RGS5: variants seen among roughly 807,000 people sequenced by gnomAD.
RGS5 encodes the protein regulator of G protein signaling 5, also known as regulator of G-protein signalling 5.
In RGS5, 20 loss-of-function variants were observed where a neutral mutation model predicts 18.9. That is an observed-to-expected ratio of 1.06 (90% CI 0.74 to 1.54). The LOEUF (loss-of-function observed/expected upper bound fraction) is 1.54. Ranked by LOEUF, RGS5 falls within the 40% of genes most tolerant of loss-of-function variation. The probability of loss-of-function intolerance (pLI) is 0.00; values close to 1 mark genes in which losing one functional copy is unlikely to be tolerated. For missense variants in RGS5, 201 were observed against 211.8 expected (o/e 0.95, Z 0.32); for synonymous variants, 57 against 76.2 (o/e 0.75, Z 1.31).
intron 2 of RGS5, among the ~76,000 whole-genome samples, chr1:163,289,261 C>G (rs936099047): frequency 1.3e-5 from 2 of 151,786 alleles, no homozygotes; most frequent in Admixed American, 1.3e-4. Flanking sequence ...ACACAATACC[C>G]CTACACCTTT....
chr1:163,223,983 C>T (rs1303099103), intron 2 of RGS5, among the ~76,000 whole-genome samples: 1 of 152,026 alleles, frequency 6.6e-6, no homozygotes, highest in Non-Finnish European at 1.5e-5. Context: ...TGTTTTGGTA[C>T]ATGTATATGT....
At chr1:163,272,388 A>AT (rs1648745363) in intron 2 of RGS5, among the ~76,000 whole-genome samples, 1 of 152,024 alleles carries the variant, frequency 6.6e-6, no homozygotes, top group Admixed American at 6.6e-5. Context: ...GTATCCTTTG[A>AT]GGCACAAAAG....
intron 2 of RGS5, among the ~76,000 whole-genome samples, chr1:163,275,797 G>C (rs1161806261): frequency 6.6e-6 from 1 of 152,056 alleles, no homozygotes; most frequent in Non-Finnish European, 1.5e-5. Flanking sequence ...TATATAATAA[G>C]TAAGGGAGGG....
chr1:163,295,652 A>G (rs916116686), intron 2 of RGS5, among the ~76,000 whole-genome samples: 5 of 152,108 alleles, frequency 3.3e-5, no homozygotes, highest in Non-Finnish European at 4.4e-5. Flanking sequence ...TCTTTCCAAG[A>G]TTCTTTATAC....
chr1:163,316,594 A>G (rs1432102052), intron 1 of RGS5, among the ~76,000 whole-genome samples: 1 of 151,198 alleles, frequency 6.6e-6, no homozygotes, highest in Non-Finnish European at 1.5e-5. Context: ...AAAAAAAAAA[A>G]AAGCTAATAT....
intron 1 of RGS5, among the ~76,000 whole-genome samples, chr1:163,216,695 T>C (rs997076360): frequency 3.9e-5 from 6 of 152,238 alleles, no homozygotes; most frequent in Admixed American, 6.5e-5. Flanking sequence ...GATATTATCA[T>C]GTAAGACTCA....
chr1:163,175,777 A>G (rs1658525377), intron 1 of RGS5, among the ~76,000 whole-genome samples: 1 of 152,218 alleles, frequency 6.6e-6, no homozygotes, highest in Admixed American at 6.5e-5. Context: ...TACTTGATTT[A>G]TATAATTAAT....
intron 2 of RGS5, chr1:163,260,024 C>T (rs542046671): frequency 6.6e-6 from 1 of 152,318 alleles, no homozygotes; most frequent in Non-Finnish European, 1.5e-5. Flanking sequence ...AAAATATCCC[C>T]ATGCTCCCCT....
At chr1:163,199,353 T>C (rs1659689810) in intron 1 of RGS5, among the ~76,000 whole-genome samples, 1 of 152,132 alleles carries the variant, frequency 6.6e-6, no homozygotes, top group South Asian at 2.1e-4. Context: ...TAAAGAATAG[T>C]TTATACAAAT....
At chr1:163,268,844 T>C (rs1200993326) in intron 2 of RGS5, among the ~76,000 whole-genome samples, 1 of 152,142 alleles carries the variant, frequency 6.6e-6, no homozygotes, top group Non-Finnish European at 1.5e-5. Context: ...GCATGGTGTA[T>C]CTCTTATTTT....
At chr1:163,313,800 A>G (rs961712671) in intron 1 of RGS5, among the ~76,000 whole-genome samples, 5 of 152,174 alleles carry the variant, frequency 3.3e-5, no homozygotes, top group Non-Finnish European at 5.9e-5. Flanking sequence ...TAGAACATAA[A>G]AAGGGTCTGC....
chr1:163,203,610 G>A (rs1458491305), upstream of RGS5, among the ~76,000 whole-genome samples: 1 of 152,134 alleles, frequency 6.6e-6, no homozygotes, highest in Non-Finnish European at 1.5e-5. Flanking sequence ...GTCTGTGAAG[G>A]TACTAAAAAA....
rs1396240380 is a variant in RGS5, at chr1:163,319,737, A to G, written c.-378+1885T>C. 5.9e-5 allele frequency among the ~76,000 whole-genome samples: 9 copies of G among 152,302 alleles called. No homozygotes were observed. In the East Asian group the frequency reaches 1.7e-3, roughly 29 times the overall value. Reference sequence around the variant, plus strand: ...GGGAGGTATTAGCAGGAGGGCTGTCAGGGAAAATGAAATAGTAGGGCAAAT... The same window carrying G: ...GGGAGGTATTAGCAGGAGGGCTGTCGGGGAAAATGAAATAGTAGGGCAAAT... On this transcript the variant is annotated intron_variant, in intron 1 of 5. Transcript: ENST00000618415.
intron 2 of RGS5, among the ~76,000 whole-genome samples, chr1:163,263,898 C>T (rs530697698): frequency 6.6e-6 from 1 of 150,864 alleles, no homozygotes; most frequent in South Asian, 2.1e-4. Flanking sequence ...TGTCACCTGA[C>T]ATTTTTGTCC....
intron 1 of RGS5, among the ~76,000 whole-genome samples, chr1:163,170,887 G>C (rs929180001): frequency 6.6e-6 from 1 of 152,176 alleles, no homozygotes; most frequent in Non-Finnish European, 1.5e-5. Context: ...TTAATTCCAA[G>C]TGTTGCAAGT....
intron 1 of RGS5, among the ~76,000 whole-genome samples, chr1:163,213,259 A>C (rs1213313957): frequency 1.3e-5 from 2 of 152,198 alleles, no homozygotes; most frequent in Non-Finnish European, 2.9e-5. Context: ...CTGATTTTGA[A>C]TGGAGCAAAA....
intron 2 of RGS5, among the ~76,000 whole-genome samples, chr1:163,236,693 G>T (rs1353487447): frequency 6.6e-6 from 1 of 152,240 alleles, no homozygotes; most frequent in Non-Finnish European, 1.5e-5. Context: ...GCCAGGCGCA[G>T]TGGCTCATGC....
intron 1 of RGS5, among the ~76,000 whole-genome samples, chr1:163,202,245 T>C (rs1452055039): frequency 2.0e-5 from 3 of 152,178 alleles, no homozygotes; most frequent in Non-Finnish European, 4.4e-5. Context: ...CCCTGTACAT[T>C]AATAAAAATT....
chr1:163,298,154 T>C lies in RGS5; in HGVS notation c.-281+8079A>G, dbSNP rs370825771. On this transcript the variant is annotated intron_variant, in intron 2 of 5. Transcript: ENST00000618415. ...CAAGGGATGGAGGGAAAACAGGACA[T>C]ATAAATATGAAATATGTATTTTATA... Among the ~76,000 whole-genome samples, 7 of 152,240 alleles carry C rather than the reference T, an allele frequency of 4.6e-5. No homozygotes were observed. In the East Asian group the frequency reaches 9.7e-4, roughly 21 times the overall value.
Sources: gnomAD v4.1 joint callset for allele counts (sites outside exome capture counted in the v4.1 genomes callset) on GRCh38, gnomAD v4.1.1 for gene constraint, MANE v1.5 for transcripts, NCBI Gene and HGNC (gene_info 2026-07-23, HGNC 2026-07-21) for gene names.